The following GRIA1 variants were observed in gnomAD, a reference collection of about 807,000 sequenced individuals.
The protein encoded by GRIA1 is glutamate ionotropic receptor AMPA type subunit 1.
A neutral mutation model predicts 99.2 loss-of-function variants in GRIA1; 31 were observed. That is an observed-to-expected ratio of 0.31 (90% CI 0.23 to 0.42). The LOEUF (loss-of-function observed/expected upper bound fraction) is 0.42, where lower values mean the gene tolerates loss of function less well. GRIA1 is among the 10% of genes least tolerant of loss of function. GRIA1 has a pLI of 1.00. For missense variants in GRIA1, 782 were observed against 1,157.5 expected (o/e 0.68, Z 4.71); for synonymous variants, 438 against 432.4 (o/e 1.01, Z -0.16).
chr5:153,812,679 A>G lies in GRIA1; in HGVS notation c.*1454A>G, dbSNP rs1178989107. ...ACGTATGATTGGGGCTACAAAGCTGAACTAAAGCAAGATTGGTGAAGTGGC... is the reference window on the plus strand; with the variant it reads ...ACGTATGATTGGGGCTACAAAGCTGGACTAAAGCAAGATTGGTGAAGTGGC... On this transcript the variant is annotated 3_prime_UTR_variant, in exon 16 of 16. Coordinates refer to ENST00000285900, the MANE Select transcript of GRIA1 (RefSeq NM_000827.4). 1.3e-5 allele frequency: 2 copies of G among 152,172 alleles called. No homozygotes were observed. Among genetic ancestry groups the G allele is most frequent in the Admixed American group, 6.5e-5 (1 of 15,278 alleles). The allele number at this position is 152,172 out of a possible 1,614,324, so 9.4% of individuals were successfully genotyped here.
intron 8 of GRIA1, among the ~76,000 whole-genome samples, chr5:153,695,879 A>C (rs1232539913): frequency 6.6e-6 from 1 of 152,152 alleles, no homozygotes; most frequent in East Asian, 1.9e-4. Flanking sequence ...TGCTGCCTGG[A>C]TGCATTCATT....
chr5:153,701,099 C>G (rs1335542095), intron 10 of GRIA1, among the ~76,000 whole-genome samples: 1 of 152,234 alleles, frequency 6.6e-6, no homozygotes. Flanking sequence ...TTCACCTTCT[C>G]TAGCATTTAT....
chr5:153,504,705 C>T (rs915055686), intron 2 of GRIA1, among the ~76,000 whole-genome samples: 2 of 152,120 alleles, frequency 1.3e-5, no homozygotes, highest in African/African-American at 4.8e-5. Context: ...CACGAGCAAA[C>T]CTGTGTTCAC....
At chr5:153,730,795 G>A (rs1418894368) in intron 11 of GRIA1, among the ~76,000 whole-genome samples, 4 of 152,224 alleles carry the variant, frequency 2.6e-5, no homozygotes, top group African/African-American at 9.6e-5. Flanking sequence ...AGGCAGTTAG[G>A]AGAAGGAAGG....
At chr5:153,736,146 A>G (rs1458504634) in intron 11 of GRIA1, among the ~76,000 whole-genome samples, 1 of 152,222 alleles carries the variant, frequency 6.6e-6, no homozygotes, top group South Asian at 2.1e-4. Context: ...AGCCATCAGA[A>G]GGGACTGAGA....
chr5:153,674,097 T>C (rs1561753606), intron 5 of GRIA1, among the ~76,000 whole-genome samples: 2 of 152,248 alleles, frequency 1.3e-5, no homozygotes, highest in Non-Finnish European at 2.9e-5. Flanking sequence ...TACCTTGTAC[T>C]ATATATCTGC....
chr5:153,750,637 C>T (rs1762449084), intron 11 of GRIA1, among the ~76,000 whole-genome samples: 1 of 152,172 alleles, frequency 6.6e-6, no homozygotes, highest in Admixed American at 6.5e-5. Flanking sequence ...TCTGCTCCCC[C>T]TGCCCCTATA....
rs151192340 is a variant in GRIA1, at chr5:153,534,769, C to T, written c.220+40704C>T. ...TGGATTTTAACTCCCCAACCCTAAT[C>T]CACCAGCCATTCTTAATCAAGGAGT... On this transcript the variant is annotated intron_variant, in intron 2 of 15. Transcript: ENST00000285900. Among the ~76,000 whole-genome samples the T allele has an allele frequency of 6.9e-3, 1,050 of 152,308 alleles. 14 individuals are homozygous for T. The highest frequency in any genetic ancestry group is 0.024 in the African/African-American group (984 of 41,560).
At chr5:153,787,803 A>G (rs1306878555) in intron 13 of GRIA1, among the ~76,000 whole-genome samples, 1 of 152,108 alleles carries the variant, frequency 6.6e-6, no homozygotes, top group Non-Finnish European at 1.5e-5. Context: ...CCACTTGGAC[A>G]TCTAACAGGC....
chr5:153,731,625 TTA>T (rs1404840382), intron 11 of GRIA1, among the ~76,000 whole-genome samples: 1 of 152,104 alleles, frequency 6.6e-6, no homozygotes, highest in Non-Finnish European at 1.5e-5. Flanking sequence ...CAAATAAAAA[TTA>T]TATATATTTA....
chr5:153,532,895 G>A (rs59656704), intron 2 of GRIA1, among the ~76,000 whole-genome samples: 98,065 of 152,062 alleles, frequency 0.64, 31,994 homozygotes, highest in East Asian at 0.83. Context: ...CTGCATAGGT[G>A]TATGGCAAGG....
chr5:153,494,661 C>T (rs377724486), intron 2 of GRIA1, among the ~76,000 whole-genome samples: 2 of 152,230 alleles, frequency 1.3e-5, no homozygotes, highest in African/African-American at 4.8e-5. Flanking sequence ...AAGGTGGCCT[C>T]AAGAAGAAGG....
chr5:153,596,600 A>G (rs2149392049), intron 2 of GRIA1, among the ~76,000 whole-genome samples: 1 of 152,290 alleles, frequency 6.6e-6, no homozygotes. Flanking sequence ...TCCAAATCCA[A>G]GGCTCTGTTC....
intron 2 of GRIA1, among the ~76,000 whole-genome samples, chr5:153,578,841 G>A (rs2149372509): frequency 6.6e-6 from 1 of 152,272 alleles, no homozygotes; most frequent in East Asian, 1.9e-4. Context: ...CCGCCAGGTG[G>A]AGATTGCAGT....
At chr5:153,640,757 T>C (rs533611144) in intron 2 of GRIA1, among the ~76,000 whole-genome samples, 1 of 152,346 alleles carries the variant, frequency 6.6e-6, no homozygotes, top group Non-Finnish European at 1.5e-5. Flanking sequence ...CATGTCTGTC[T>C]TGTGTAATTG....
At chr5:153,597,100 T>A (rs1764501102) in intron 2 of GRIA1, among the ~76,000 whole-genome samples, 1 of 152,226 alleles carries the variant, frequency 6.6e-6, no homozygotes, top group Non-Finnish European at 1.5e-5. Flanking sequence ...TAAGGTCCTT[T>A]GAAGGGTTCA....
chr5:153,512,679 A>T (rs1756210764), intron 2 of GRIA1, among the ~76,000 whole-genome samples: 4 of 152,216 alleles, frequency 2.6e-5, no homozygotes, highest in Admixed American at 2.6e-4. Flanking sequence ...TTGATGACCC[A>T]GTGCCTGTGA....
intron 2 of GRIA1, among the ~76,000 whole-genome samples, chr5:153,635,604 C>A (rs188074584): frequency 6.6e-6 from 1 of 152,232 alleles, no homozygotes; most frequent in East Asian, 1.9e-4. Flanking sequence ...TGAACCTAAC[C>A]CAAGAATGAG....
At position 153,490,812 on chromosome 5, in the gene GRIA1, A is replaced by G. The variant is rs964219574; in HGVS notation, c.-77A>G. 7 of 1,025,764 alleles carry G rather than the reference A, an allele frequency of 6.8e-6. No homozygotes were observed. The East Asian group carries it at 1.7e-4, about 24-fold the overall frequency. The allele number at this position is 1,025,764 out of a possible 1,614,324, so 63.5% of individuals were successfully genotyped here. On this transcript the variant is annotated 5_prime_UTR_variant, in exon 1 of 16. Transcript: ENST00000285900. ...GAAAAGAACAGGCAGAACAGCGAGA[A>G]GAATAAAGGGAAAGGGGGGGAAACA...
Sources: allele counts gnomAD v4.1 joint callset (sites outside exome capture counted in the v4.1 genomes callset), GRCh38; gene constraint gnomAD v4.1.1; transcripts MANE v1.5; gene names NCBI Gene and HGNC (gene_info 2026-07-23, HGNC 2026-07-21).